The following SUPT3H variants were observed in gnomAD, a reference collection of about 807,000 sequenced individuals.
The protein encoded by SUPT3H is SPT3 homolog, SAGA and STAGA complex component.
In SUPT3H, 44 loss-of-function variants were observed where a neutral mutation model predicts 44.3. The observed-to-expected ratio is 0.99, with a 90% CI of 0.78 to 1.28. The LOEUF (loss-of-function observed/expected upper bound fraction) is 1.28. Ranked by LOEUF, SUPT3H falls within the 50% of genes most tolerant of loss-of-function variation. The pLI, the probability that SUPT3H is intolerant of heterozygous loss-of-function variation, is 0.00. For synonymous variants in SUPT3H, 124 were observed against 125.6 expected, an observed-to-expected ratio of 0.99 and a Z score of 0.09; for missense variants, 380 against 387.1, an observed-to-expected ratio of 0.98 and a Z score of 0.15.
At chr6:44,945,681 C>T (rs1304405550) in intron 9 of SUPT3H, among the ~76,000 whole-genome samples, 1 of 151,822 alleles carries the variant, frequency 6.6e-6, no homozygotes, top group African/African-American at 2.4e-5. Flanking sequence ...GAGAAACATG[C>T]AAAAGAAAAG....
At chr6:44,910,994 CAAAAAAAAAA>C (rs34384511) in intron 10 of SUPT3H, among the ~76,000 whole-genome samples, 1 of 62,696 alleles carries the variant, frequency 1.6e-5, no homozygotes, top group African/African-American at 6.9e-5. Flanking sequence ...GACTCCATCT[CAAAAAAAAAA>C]AAAAAAAAAA....
At chr6:44,862,383 G>GGGCCTTAT (rs1774791229) in intron 10 of SUPT3H, among the ~76,000 whole-genome samples, 1 of 151,774 alleles carries the variant, frequency 6.6e-6, no homozygotes, top group Non-Finnish European at 1.5e-5. Context: ...ACCTTATAAA[G>GGGCCTTAT]AAATGATACA....
chr6:45,087,531 C>G (rs1384423422), intron 3 of SUPT3H, among the ~76,000 whole-genome samples: 2 of 151,460 alleles, frequency 1.3e-5, no homozygotes, highest in Non-Finnish European at 3.0e-5. Flanking sequence ...TTTTAAAACA[C>G]AAGTTTTAAA....
At chr6:45,272,145 T>A (rs1776294377) in intron 2 of SUPT3H, among the ~76,000 whole-genome samples, 1 of 152,186 alleles carries the variant, frequency 6.6e-6, no homozygotes. Flanking sequence ...GACTGTGGAC[T>A]TTTGAGTTAA....
In SUPT3H at chr6:45,356,626, C is replaced by T. The variant is rs181385419; in HGVS notation, c.101+8575G>A. On this transcript the variant is annotated intron_variant, in intron 2 of 10. Coordinates refer to ENST00000371459, the MANE Select transcript of SUPT3H (RefSeq NM_003599.4). ...ATGGTGGCCAGGCTGGTCTCGAACT[C>T]CTGACTGACCTCAAGTGATCTGCCC... is the stretch of plus-strand genomic sequence containing the variant. Among the ~76,000 whole-genome samples, 100 of 152,036 alleles carry T rather than the reference C, an allele frequency of 6.6e-4. 1 individual carries two copies. The highest frequency in any genetic ancestry group is 1.3e-3 in the Non-Finnish European group (87 of 67,964).
chr6:45,323,392 A>G lies in SUPT3H; in HGVS notation c.101+41809T>C, dbSNP rs997007820. ...CCCGATTTTTTTAGATGATGCCTTA[A>G]CATGTTTTTCAACCACATTATAAAA... is the stretch of plus-strand genomic sequence containing the variant. On this transcript the variant is annotated intron_variant, in intron 2 of 10. Transcript: ENST00000371459. Among the ~76,000 whole-genome samples the G allele has an allele frequency of 2.6e-5, 4 of 152,212 alleles. No homozygotes were observed. The South Asian group carries it at 8.3e-4, about 32-fold the overall frequency.
rs143095337 is a variant in SUPT3H, at chr6:45,225,070, G to T, written c.102-119064C>A. Reference sequence around the variant, plus strand: ...AAGGTGGGTGGATCACCTGAGGACAGGAGTTCAAGACAAACCTGACCAACA... The same window carrying T: ...AAGGTGGGTGGATCACCTGAGGACATGAGTTCAAGACAAACCTGACCAACA... On this transcript the variant is annotated intron_variant, in intron 2 of 10. Transcript: ENST00000371459. Among the ~76,000 whole-genome samples, 60 of 152,102 alleles carry T rather than the reference G, an allele frequency of 3.9e-4. No individual in the cohort carries two copies. In the East Asian group the frequency reaches 9.7e-3, roughly 25 times the overall value.
intron 3 of SUPT3H, among the ~76,000 whole-genome samples, chr6:45,082,079 C>A (rs141086325): frequency 6.6e-6 from 1 of 151,968 alleles, no homozygotes. Flanking sequence ...CATAACCTCC[C>A]AATATTAAAT....
chr6:45,172,238 A>G (rs974194424), intron 2 of SUPT3H, among the ~76,000 whole-genome samples: 1 of 151,318 alleles, frequency 6.6e-6, no homozygotes, highest in Non-Finnish European at 1.5e-5. Flanking sequence ...ACGCCCAGCT[A>G]ATTTTTGTAC....
chr6:45,135,300 T>A (rs1804102371), intron 2 of SUPT3H, among the ~76,000 whole-genome samples: 2 of 152,124 alleles, frequency 1.3e-5, no homozygotes, highest in African/African-American at 2.4e-5. Flanking sequence ...TATACAGTAA[T>A]CTCTTTAGCA....
chr6:45,271,819 G>C (rs561495894), intron 2 of SUPT3H, among the ~76,000 whole-genome samples: 1 of 152,160 alleles, frequency 6.6e-6, no homozygotes, highest in Non-Finnish European at 1.5e-5. Context: ...AAGCAGCTGG[G>C]AGGGAGGCTG....
At chr6:45,195,138 G>A (rs1393856874) in intron 2 of SUPT3H, among the ~76,000 whole-genome samples, 1 of 152,094 alleles carries the variant, frequency 6.6e-6, no homozygotes, top group East Asian at 1.9e-4. Flanking sequence ...AAAGAAAGAA[G>A]GGACGTGAAA....
chr6:45,310,896 T>C (rs1783844466), intron 2 of SUPT3H, among the ~76,000 whole-genome samples: 1 of 152,072 alleles, frequency 6.6e-6, no homozygotes, highest in South Asian at 2.1e-4. Flanking sequence ...AAAATCACAC[T>C]AGTTCACCAG....
chr6:44,932,850 A>G, intron 9 of SUPT3H, 87 bp from the exon 10 acceptor site: 1 of 819,132 alleles, frequency 1.2e-6, no homozygotes, highest in Non-Finnish European at 1.8e-6. Context: ...AACCTTTACA[A>G]AAGAGACCGG....
chr6:44,855,717 T>C (rs1773616170), intron 10 of SUPT3H, among the ~76,000 whole-genome samples: 1 of 152,084 alleles, frequency 6.6e-6, no homozygotes, highest in African/African-American at 2.4e-5. Context: ...GTTTCGGTTC[T>C]AGGACAGCCT....
At chr6:44,947,777 A>G (rs1773593818) in intron 9 of SUPT3H, among the ~76,000 whole-genome samples, 1 of 152,230 alleles carries the variant, frequency 6.6e-6, no homozygotes. Context: ...ATAGTTCTGC[A>G]ATAACTAGAT....
intron 2 of SUPT3H, among the ~76,000 whole-genome samples, chr6:45,334,984 TAAAC>T (rs1788265447): frequency 6.6e-6 from 1 of 151,460 alleles, no homozygotes; most frequent in East Asian, 1.9e-4. Flanking sequence ...TGATATCAGT[TAAAC>T]AAAGTATTAG....
At chr6:45,349,443 T>C (rs1791575511) in intron 2 of SUPT3H, among the ~76,000 whole-genome samples, 1 of 152,220 alleles carries the variant, frequency 6.6e-6, no homozygotes, top group African/African-American at 2.4e-5. Context: ...GCACTAGTTT[T>C]CCAAGTATGG....
chr6:45,139,819 A>G (rs899685071), intron 2 of SUPT3H, among the ~76,000 whole-genome samples: 1 of 152,278 alleles, frequency 6.6e-6, no homozygotes, highest in East Asian at 1.9e-4. Context: ...CAGCGTACTT[A>G]GGGAGGCGGT....
Sources: allele counts gnomAD v4.1 joint callset (sites outside exome capture counted in the v4.1 genomes callset), GRCh38; gene constraint gnomAD v4.1.1; transcripts MANE v1.5; gene names NCBI Gene and HGNC (gene_info 2026-07-23, HGNC 2026-07-21).